The following PPP2R5A variants were observed in gnomAD, a reference collection of about 807,000 sequenced individuals.
PPP2R5A encodes the protein serine/threonine-protein phosphatase 2A 56 kDa regulatory subunit alpha isoform.
A neutral mutation model predicts 64.2 loss-of-function variants in PPP2R5A; 25 were observed. That is an observed-to-expected ratio of 0.39 (90% CI 0.28 to 0.54). The LOEUF (loss-of-function observed/expected upper bound fraction) is 0.54, where lower values mean the gene tolerates loss of function less well. Among genes scored for constraint, PPP2R5A ranks in the 20% least tolerant of loss-of-function variants. The probability of loss-of-function intolerance (pLI) is 0.67; values close to 1 mark genes in which losing one functional copy is unlikely to be tolerated. For missense variants in PPP2R5A, 425 were observed against 576.3 expected (o/e 0.74, Z 2.69); for synonymous variants, 198 against 201.2 (o/e 0.98, Z 0.13).
In PPP2R5A at chr1:212,286,052, CGCCGCTGCCCG is replaced by C; in HGVS notation, c.-58_-48del. 6.9e-7 allele frequency: 1 copy of C among 1,448,338 alleles called. No individual in the cohort carries two copies. The highest frequency in any genetic ancestry group is 2.9e-5 in the East Asian group (1 of 34,336). 89.7% of individuals were successfully genotyped at this position (1,448,338 alleles called of 1,614,324 possible). Reference sequence around the variant, plus strand: ...CTCCCCCGCCTCCTCCTGCCGTCTCCGCCGCTGCCCGTGCCTTGCAAGCAGCAGCCGGAGCT... The same window carrying C: ...CTCCCCCGCCTCCTCCTGCCGTCTCCTGCCTTGCAAGCAGCAGCCGGAGCT... On this transcript the variant is annotated 5_prime_UTR_variant, in exon 1 of 13. Transcript: ENST00000261461.
chr1:212,286,385 G>T, intron 1 of PPP2R5A, 94 bp downstream of exon 1: 2 of 1,332,794 alleles, frequency 1.5e-6, no homozygotes, highest in Non-Finnish European at 1.9e-6. Flanking sequence ...GGTTTCTCCT[G>T]CTCAGTTGGG....
At chr1:212,291,813 ATTAT>A (rs1658606914) in intron 1 of PPP2R5A, among the ~76,000 whole-genome samples, 1 of 152,224 alleles carries the variant, frequency 6.6e-6, no homozygotes. Context: ...AAGCCCAACT[ATTAT>A]TTGATGTAGG....
At chr1:212,356,855 G>C (rs1659985896) in intron 9 of PPP2R5A, 95 bp from the exon 10 acceptor site, 3 of 1,306,722 alleles carry the variant, frequency 2.3e-6, no homozygotes, top group African/African-American at 1.5e-5. Flanking sequence ...TTTGCTTATT[G>C]TATACTATGC....
At chr1:212,301,904 C>T in intron 1 of PPP2R5A, 18 of 1,323,444 alleles carry the variant, frequency 1.4e-5, no homozygotes, top group Non-Finnish European at 1.7e-5. Flanking sequence ...GGATGTTTTC[C>T]TCTAAGGAAA....
intron 1 of PPP2R5A, among the ~76,000 whole-genome samples, chr1:212,300,517 T>A (rs975123231): frequency 6.6e-6 from 1 of 152,188 alleles, no homozygotes; most frequent in African/African-American, 2.4e-5. Context: ...ATCTTAACAA[T>A]GGTAGAAAGT....
At chr1:212,356,741 A>G in intron 9 of PPP2R5A, 65 bp downstream of exon 9, 3 of 1,535,394 alleles carry the variant, frequency 2.0e-6, no homozygotes, top group Non-Finnish European at 2.7e-6. Flanking sequence ...GCTATAAACC[A>G]TGCTTCTTTG....
intron 8 of PPP2R5A, among the ~76,000 whole-genome samples, chr1:212,352,454 G>T (rs1354032497): frequency 1.4e-5 from 2 of 142,508 alleles, no homozygotes; most frequent in African/African-American, 2.6e-5. Flanking sequence ...TGTGTTTTGG[G>T]TTTTTTTTTT....
chr1:212,285,821 G>T lies in PPP2R5A; in HGVS notation c.-290G>T, dbSNP rs1474082899. On this transcript the variant is annotated 5_prime_UTR_variant, in exon 1 of 13. Coordinates refer to ENST00000261461, the MANE Select transcript of PPP2R5A (RefSeq NM_006243.4). ...GGGCTCTCTTCCACCCGCTCTGCGCGCCCAGAGTCAACAACTTCTTCACCC... is the reference window on the plus strand; with the variant it reads ...GGGCTCTCTTCCACCCGCTCTGCGCTCCCAGAGTCAACAACTTCTTCACCC... 10 of 318,486 alleles carry T rather than the reference G, an allele frequency of 3.1e-5. No individual in the cohort carries two copies. In the East Asian group the frequency reaches 5.2e-4, roughly 16 times the overall value. The allele number at this position is 318,486 out of a possible 1,614,324, so 19.7% of individuals were successfully genotyped here.
chr1:212,290,602 AC>A (rs1299583277), intron 1 of PPP2R5A, among the ~76,000 whole-genome samples: 1 of 152,184 alleles, frequency 6.6e-6, no homozygotes, highest in African/African-American at 2.4e-5. Flanking sequence ...TAAAGGAAAA[AC>A]TTTTCTATTT....
chr1:212,311,598 CA>C (rs987718024), intron 1 of PPP2R5A, among the ~76,000 whole-genome samples: 16 of 147,550 alleles, frequency 1.1e-4, no homozygotes, highest in Non-Finnish European at 7.5e-5. Flanking sequence ...CTACTTATTA[CA>C]AAAAAAAAAG....
chr1:212,316,587 CTTTTTTTTTTTTTTT>C lies in PPP2R5A; in HGVS notation c.182-12536_182-12522del. 5.5e-5 allele frequency among the ~76,000 whole-genome samples: 2 copies of C among 36,690 alleles called. 1 individual carries two copies. Among genetic ancestry groups the C allele is most frequent in the South Asian group, 3.8e-3 (2 of 522 alleles). The allele number at this position is 36,690 out of a possible 152,430, so 24.1% of individuals were successfully genotyped here. A position where few individuals can be genotyped will look rare whatever the true frequency, so the allele number is the denominator to read the frequency against. On this transcript the variant is annotated intron_variant, in intron 1 of 12. Coordinates refer to ENST00000261461, the MANE Select transcript of PPP2R5A (RefSeq NM_006243.4). Reference sequence around the variant, plus strand: ...ATGGATATTTAACCTTTGTGGGTGACTTTTTTTTTTTTTTTTTTTTTTTTTTAATCTGAAAGCTTT... The same window carrying C: ...ATGGATATTTAACCTTTGTGGGTGACTTTTTTTTTTTAATCTGAAAGCTTT...
chr1:212,340,557 A>AT, intron 3 of PPP2R5A, among the ~76,000 whole-genome samples: 1 of 152,344 alleles, frequency 6.6e-6, no homozygotes, highest in Middle Eastern at 3.4e-3. Flanking sequence ...TTGCACGTGT[A>AT]TACCCCAAAG....
chr1:212,309,568 A>G, intron 1 of PPP2R5A: 1 of 707,712 alleles, frequency 1.4e-6, no homozygotes, highest in Admixed American at 2.2e-5. Flanking sequence ...AGTTCTTTGA[A>G]CATATATAAT....
chr1:212,360,853 T>C lies in PPP2R5A; in HGVS notation c.*83T>C, dbSNP rs1210489675. ...TGTAAAAATTACAAAACAAACCTCA[T>C]CAGTATAATATAATTAAAAGGCCAA... is the stretch of plus-strand genomic sequence containing the variant. On this transcript the variant is annotated 3_prime_UTR_variant, in exon 13 of 13. Transcript: ENST00000261461. 2.2e-6 allele frequency: 3 copies of C among 1,366,490 alleles called. No homozygotes were observed. The highest frequency in any genetic ancestry group is 2.9e-6 in the Non-Finnish European group (3 of 1,031,912). 84.6% of individuals were successfully genotyped at this position (1,366,490 alleles called of 1,614,324 possible).
chr1:212,341,057 A>G (rs1332392696), intron 3 of PPP2R5A, among the ~76,000 whole-genome samples: 1 of 152,190 alleles, frequency 6.6e-6, no homozygotes, highest in East Asian at 1.9e-4. Context: ...CTAATAAGAT[A>G]CATTTTGGGC....
intron 1 of PPP2R5A, among the ~76,000 whole-genome samples, chr1:212,327,459 G>C (rs965506518): frequency 6.6e-6 from 1 of 152,218 alleles, no homozygotes. Flanking sequence ...CTGTGGCCCA[G>C]GCTGGAGTGC....
chr1:212,339,131 C>T (rs1470256666), intron 3 of PPP2R5A, among the ~76,000 whole-genome samples: 1 of 152,046 alleles, frequency 6.6e-6, no homozygotes, highest in African/African-American at 2.4e-5. Context: ...CTCTGTAGAT[C>T]ACTAGTGTTT....
intron 8 of PPP2R5A, among the ~76,000 whole-genome samples, chr1:212,355,080 A>G (rs1659955499): frequency 6.6e-6 from 1 of 152,252 alleles, no homozygotes; most frequent in Admixed American, 6.5e-5. Context: ...GATCTTCAGT[A>G]AAGTTTTATG....
intron 1 of PPP2R5A, among the ~76,000 whole-genome samples, chr1:212,303,987 CA>C (rs1449775828): frequency 6.6e-6 from 1 of 152,032 alleles, no homozygotes; most frequent in Non-Finnish European, 1.5e-5. Context: ...TTTTCTTTTT[CA>C]GGATTGTTTC....
Sources: allele counts gnomAD v4.1 joint callset (sites outside exome capture counted in the v4.1 genomes callset), GRCh38; gene constraint gnomAD v4.1.1; transcripts MANE v1.5; gene names NCBI Gene and HGNC (gene_info 2026-07-23, HGNC 2026-07-21).